SCLY: variants seen among roughly 807,000 people sequenced by gnomAD.
The protein encoded by SCLY is putative selenocysteine lyase.
SCLY carries 38 observed loss-of-function variants against 50.1 expected under a neutral mutation model. The ratio of observed to expected loss-of-function variants is 0.76; its 90% confidence interval spans 0.59 to 0.99. SCLY has a LOEUF of 0.99. SCLY is among the 50% of genes least tolerant of loss of function. The probability of loss-of-function intolerance (pLI) is 0.00; values close to 1 mark genes in which losing one functional copy is unlikely to be tolerated. For missense variants in SCLY, 600 were observed against 620.0 expected (o/e 0.97, Z 0.34); for synonymous variants, 243 against 249.4 (o/e 0.97, Z 0.24).
At chr2:238,082,525 G>A (rs114994379) in intron 6 of SCLY, among the ~76,000 whole-genome samples, 2,113 of 152,334 alleles carry the variant, frequency 0.014, 41 homozygotes, top group African/African-American at 0.048. Context: ...GCCAGGCAGC[G>A]AGTGTCTCTG....
intron 7 of SCLY, among the ~76,000 whole-genome samples, chr2:238,086,791 C>T (rs56858152): frequency 0.33 from 48,900 of 150,394 alleles, 9,876 homozygotes; most frequent in Admixed American, 0.44. Context: ...AGGCCAAGGC[C>T]GGTGGATCAC....
At position 238,091,259 on chromosome 2, in the gene SCLY, G is replaced by A. The variant is rs2065358880; in HGVS notation, c.921+5G>A. 6 of 1,612,822 alleles carry A rather than the reference G, an allele frequency of 3.7e-6. No individual in the cohort carries two copies. Among genetic ancestry groups the A allele is most frequent in the Non-Finnish European group, 3.4e-6 (4 of 1,178,878 alleles). ...ATGATTGCTGGCCTTGGGAAGGTGAGCCCTGGTGAGCTTGAGGAGATGAGT... is the reference window on the plus strand; with the variant it reads ...ATGATTGCTGGCCTTGGGAAGGTGAACCCTGGTGAGCTTGAGGAGATGAGT... On this transcript the variant is annotated splice_donor_5th_base_variant and intron_variant, in intron 8 of 11. Transcript: ENST00000254663.
intron 10 of SCLY, chr2:238,094,910 A>G: frequency 5.4e-6 from 1 of 186,052 alleles, no homozygotes; most frequent in East Asian, 1.5e-4. Context: ...TCAGTTTTAA[A>G]AACTGGCAGA....
At chr2:238,070,830 A>G (rs983011999) in intron 4 of SCLY, among the ~76,000 whole-genome samples, 6 of 148,700 alleles carry the variant, frequency 4.0e-5, no homozygotes, top group African/African-American at 1.5e-4. Flanking sequence ...AGTTTTTGGT[A>G]CCTTTTTTTT....
At chr2:238,088,334 C>T (rs1181713067) in intron 7 of SCLY, among the ~76,000 whole-genome samples, 3 of 151,980 alleles carry the variant, frequency 2.0e-5, no homozygotes, top group Admixed American at 6.6e-5. Context: ...TGGTGGCAGA[C>T]GCTTGTAATC....
intron 7 of SCLY, among the ~76,000 whole-genome samples, chr2:238,090,852 A>G (rs936520460): frequency 2.6e-5 from 4 of 152,148 alleles, no homozygotes; most frequent in African/African-American, 9.7e-5. Flanking sequence ...GTTGAGAACA[A>G]AGGGTTCTCC....
rs1691356518 is a variant in SCLY, at chr2:238,098,661, A to AGGAACGCCCACATGG, written c.*307_*308insGAACGCCCACATGGG. 7 of 204,774 alleles carry AGGAACGCCCACATGG rather than the reference A, an allele frequency of 3.4e-5. No individual in the cohort carries two copies. The highest frequency in any genetic ancestry group is 1.2e-4 in the African/African-American group (4 of 32,524). 12.7% of individuals were successfully genotyped at this position (204,774 alleles called of 1,614,324 possible). Reference sequence around the variant, plus strand: ...ACCGCCCACATGGGACCGCCCACATAGAACCGTCCTCCAGTGGTGAAGCGG... The same window carrying AGGAACGCCCACATGG: ...ACCGCCCACATGGGACCGCCCACATAGGAACGCCCACATGGGAACCGTCCTCCAGTGGTGAAGCGG... On this transcript the variant is annotated 3_prime_UTR_variant, in exon 12 of 12. Coordinates refer to ENST00000254663, the MANE Select transcript of SCLY (RefSeq NM_016510.7).
chr2:238,065,854 T>C (rs1171720439), intron 2 of SCLY, among the ~76,000 whole-genome samples: 1 of 151,970 alleles, frequency 6.6e-6, no homozygotes, highest in African/African-American at 2.4e-5. Flanking sequence ...TTTGTATTTT[T>C]AGTAGAGACG....
intron 10 of SCLY, among the ~76,000 whole-genome samples, chr2:238,096,498 G>A (rs959080289): frequency 2.6e-5 from 4 of 152,264 alleles, no homozygotes; most frequent in Non-Finnish European, 5.9e-5. Flanking sequence ...CTGCCAGCTT[G>A]TAAGGAAGGA....
At chr2:238,062,779 G>A (rs2065030317) in intron 1 of SCLY, among the ~76,000 whole-genome samples, 2 of 152,244 alleles carry the variant, frequency 1.3e-5, no homozygotes, top group African/African-American at 4.8e-5. Context: ...ACACTCAGTG[G>A]CTTAACAGCC....
chr2:238,069,461 G>A lies in SCLY; in HGVS notation c.468G>A (p.Val156=), dbSNP rs1216939052. ...TCCGGCTGCCCCTGGAGCACCTGGT[G>A]GAAGAACAAGTGGCAGGTGAGTGAG... ...DSIRLPLEHL[V]EEQVAAVTFV... The change falls in exon 4 of 12, where the codon GTG becomes GTA. Residue 156 remains valine, a synonymous_variant. Coordinates refer to ENST00000254663, the MANE Select transcript of SCLY (RefSeq NM_016510.7). This position sits in a 1 kb window ranked among gnomAD's most constrained non-coding sequence, Gnocchi z 5.0. 1.4e-5 allele frequency: 22 copies of A among 1,612,026 alleles called. No individual in the cohort carries two copies. The highest frequency in any genetic ancestry group is 1.8e-5 in the Non-Finnish European group (21 of 1,179,088).
chr2:238,068,257 A>G (rs2065093372), intron 3 of SCLY, 92 bp downstream of exon 3: 1 of 1,011,018 alleles, frequency 9.9e-7, no homozygotes, highest in African/African-American at 1.6e-5. Context: ...TTTCATTTAA[A>G]GAAAGAGTAG....
rs60210173 is a variant in SCLY, at chr2:238,093,839, CTTG to C, written c.922-17_922-15del. The C allele has an allele frequency of 0.39, 628,315 of 1,608,486 alleles. 129,901 individuals are homozygous for C. The highest frequency in any genetic ancestry group is 0.42 in the Non-Finnish European group (499,787 of 1,176,920). On this transcript the variant is annotated intron_variant, in intron 8 of 11. Transcript: ENST00000254663. ...TTATTTTGCAAGAATTGTGCATCCA[CTTG>C]TTGTGTGTCTGCCCCCAGGCCGCGG...
chr2:238,096,733 C>T, intron 10 of SCLY, 68 bp from the exon 11 acceptor site: 1 of 1,521,558 alleles, frequency 6.6e-7, no homozygotes, highest in South Asian at 1.2e-5. Context: ...CCAGCAGGAC[C>T]CCGGGAAGGG....
intron 4 of SCLY, chr2:238,080,456 A>T (rs2065223843): frequency 6.6e-6 from 1 of 152,262 alleles, no homozygotes; most frequent in South Asian, 2.1e-4. Flanking sequence ...CCAGTTCTCA[A>T]TGCGTTTCCC....
chr2:238,083,025 G>C lies in SCLY; in HGVS notation c.778-223G>C. The C allele has an allele frequency of 1.6e-6, 1 of 624,466 alleles. No individual in the cohort carries two copies. Among genetic ancestry groups the C allele is most frequent in the Non-Finnish European group, 3.1e-6 (1 of 324,950 alleles). The allele number at this position is 624,466 out of a possible 1,614,324, so 38.7% of individuals were successfully genotyped here. On this transcript the variant is annotated intron_variant, in intron 6 of 11. Transcript: ENST00000254663. The surrounding 1 kb of genome is among the most constrained non-coding windows in gnomAD (Gnocchi z 4.3). ...CTGCCTGCCACAGAGCTGAGCACGA[G>C]AGTCTAGCACCTGCGCTGCCTCCTA...
intron 8 of SCLY, chr2:238,091,553 TCCCA>T: frequency 4.4e-5 from 15 of 338,908 alleles, no homozygotes; most frequent in South Asian, 1.9e-4. Context: ...GGTTCACCAT[TCCCA>T]AAGGCGTCGG....
At chr2:238,078,721 CT>C (rs1358239495) in intron 4 of SCLY, 2 of 144,394 alleles carry the variant, frequency 1.4e-5, no homozygotes, top group Non-Finnish European at 3.0e-5. Flanking sequence ...GAGACAGAGT[CT>C]TGCTCTGTCA....
chr2:238,093,808 C>T (rs1239210779), intron 8 of SCLY, 53 bp from the exon 9 acceptor site: 1 of 1,536,564 alleles, frequency 6.5e-7, no homozygotes, highest in Non-Finnish European at 8.9e-7. Context: ...GCTTTTTGGC[C>T]CTCCTTTATT....
Sources: allele counts gnomAD v4.1 joint callset (sites outside exome capture counted in the v4.1 genomes callset), GRCh38; gene constraint gnomAD v4.1.1; non-coding constraint Gnocchi (gnomAD v3.1); transcripts MANE v1.5; gene names NCBI Gene and HGNC (gene_info 2026-07-23, HGNC 2026-07-21).